HS6ST2: variants seen among roughly 807,000 people sequenced by gnomAD.
The protein encoded by HS6ST2 is heparan sulfate 6-O-sulfotransferase 2, also known as heparan-sulfate 6-O-sulfotransferase 2.
In HS6ST2, 17 loss-of-function variants were observed where a neutral mutation model predicts 33.0. That is an observed-to-expected ratio of 0.52 (90% CI 0.35 to 0.77). The LOEUF (loss-of-function observed/expected upper bound fraction) is 0.77, where lower values mean the gene tolerates loss of function less well. Ranked by LOEUF, HS6ST2 falls within the 30% of genes least tolerant of loss-of-function variation. HS6ST2 has a pLI of 0.01. For synonymous variants in HS6ST2, 248 were observed against 237.1 expected (o/e 1.05, Z -0.42); for missense variants, 519 against 551.7 (o/e 0.94, Z 0.59).
At chrX:132,894,511 T>TTATGTTATGTTATG (rs2066354155) in intron 2 of HS6ST2, among the ~76,000 whole-genome samples, 2 of 108,471 alleles carry the variant, frequency 1.8e-5, no homozygotes, top group African/African-American at 6.8e-5. Flanking sequence ...TTATGTTATG[T>TTATGTTATGTTATG]TATGTTATGT....
At chrX:132,667,948 G>C (rs1156567020) in intron 4 of HS6ST2, among the ~76,000 whole-genome samples, 4 of 112,193 alleles carry the variant, frequency 3.6e-5, no homozygotes, top group Non-Finnish European at 7.5e-5. Context: ...ACTGAAATGA[G>C]TTCTAACTGC....
chrX:132,892,715 A>G (rs1458980398), intron 2 of HS6ST2, among the ~76,000 whole-genome samples: 1 of 111,817 alleles, frequency 8.9e-6, no homozygotes. Context: ...GCTACCCCGG[A>G]AGCTGAGGCA....
At chrX:132,847,679 G>A (rs1183971607) in intron 2 of HS6ST2, among the ~76,000 whole-genome samples, 2 of 111,056 alleles carry the variant, frequency 1.8e-5, no homozygotes, top group African/African-American at 6.6e-5. Context: ...TTCTATCAGA[G>A]GGACCAAAAG....
chrX:132,689,835 C>A (rs970854783), intron 3 of HS6ST2, among the ~76,000 whole-genome samples: 1 of 111,364 alleles, frequency 9.0e-6, no homozygotes, highest in African/African-American at 3.3e-5. Flanking sequence ...GCTTTGAATG[C>A]AGCCCAACAC....
intron 2 of HS6ST2, among the ~76,000 whole-genome samples, chrX:132,888,147 A>AT (rs969591663): frequency 9.0e-6 from 1 of 111,578 alleles, no homozygotes; most frequent in Admixed American, 9.6e-5. Context: ...CAGTTGGTAG[A>AT]TTTTTTTTAA....
intron 2 of HS6ST2, among the ~76,000 whole-genome samples, chrX:132,882,865 C>T (rs1446454736): frequency 9.0e-6 from 1 of 111,566 alleles, no homozygotes; most frequent in African/African-American, 3.3e-5. Context: ...AAGGCCTTTT[C>T]TGCATCTACT....
At chrX:132,803,995 G>A (rs1039431577) in intron 2 of HS6ST2, among the ~76,000 whole-genome samples, 6 of 111,480 alleles carry the variant, frequency 5.4e-5, no homozygotes, top group Non-Finnish European at 9.4e-5. Flanking sequence ...GCTCTCACTG[G>A]CCATGGCAGG....
chrX:132,880,960 C>A (rs2066165153), intron 2 of HS6ST2, among the ~76,000 whole-genome samples: 1 of 110,182 alleles, frequency 9.1e-6, no homozygotes, highest in Admixed American at 9.7e-5. Flanking sequence ...ATGCACTCAT[C>A]ATTTTTTATG....
chrX:132,957,456 A>ACGG (rs1211618459), intron 1 of HS6ST2, 130 bp from the exon 2 acceptor site: 177 of 740,189 alleles, frequency 2.4e-4, no homozygotes, highest in Admixed American at 1.3e-4. Context: ...CGAGTACTCC[A>ACGG]CGGCGGCGGC....
At chrX:132,717,825 A>G (rs1209283177) in intron 2 of HS6ST2, among the ~76,000 whole-genome samples, 1 of 111,926 alleles carries the variant, frequency 8.9e-6, no homozygotes, top group Admixed American at 9.5e-5. Flanking sequence ...GGCTGCAGAC[A>G]ACTGTCTACA....
Position 132,939,099 on chromosome X carries a change from T to A in HS6ST2, c.947+17709A>T, listed in dbSNP as rs1274870003. 2.7e-5 allele frequency among the ~76,000 whole-genome samples: 3 copies of A among 110,936 alleles called. No individual in the cohort carries two copies. In the East Asian group the frequency reaches 8.5e-4, roughly 32 times the overall value. On this transcript the variant is annotated intron_variant, in intron 2 of 4. Coordinates refer to ENST00000370833, the MANE Select transcript of HS6ST2 (RefSeq NM_001394073.1). ...TTAAGCAAACAGATGTCATGTGACC[T>A]CATTATCACAGGGAGGGCACTGAGC...
intron 2 of HS6ST2, among the ~76,000 whole-genome samples, chrX:132,802,262 A>T (rs2065242104): frequency 8.9e-6 from 1 of 111,939 alleles, no homozygotes; most frequent in Non-Finnish European, 1.9e-5. Context: ...AAAAGTGGTG[A>T]CACTCACTTA....
intron 2 of HS6ST2, among the ~76,000 whole-genome samples, chrX:132,896,323 T>C (rs779271844): frequency 9.1e-6 from 1 of 110,080 alleles, no homozygotes; most frequent in East Asian, 2.9e-4. Flanking sequence ...ACAAAAAAAT[T>C]ACCCAGGCGT....
intron 2 of HS6ST2, among the ~76,000 whole-genome samples, chrX:132,913,174 C>A (rs1395297474): frequency 1.8e-5 from 2 of 111,145 alleles, no homozygotes; most frequent in Admixed American, 1.9e-4. Context: ...CCTCATTCTT[C>A]TTGGATGTGG....
At position 132,708,467 on chromosome X, in the gene HS6ST2, T is replaced by G; in HGVS notation, c.975A>C (p.Ala325=). 8.5e-7 allele frequency: 1 copy of G among 1,180,230 alleles called. No individual in the cohort carries two copies. The highest frequency in any genetic ancestry group is 1.1e-6 in the Non-Finnish European group (1 of 878,009). Residue 325 remains alanine, a synonymous_variant, in exon 3 of 5, where the codon GCA becomes GCC. Coordinates refer to ENST00000370833, the MANE Select transcript of HS6ST2 (RefSeq NM_001394073.1). ...SRWRIFQILD[A]ASKDKRGSPN... is the part of the protein sequence containing the mutation. ...AAAAATACATTGTTACTTACCTTGC[T>G]GCATCTAGAATCTGAAAAATCCTCC...
intron 2 of HS6ST2, among the ~76,000 whole-genome samples, chrX:132,747,026 G>T (rs1324676486): frequency 2.7e-5 from 3 of 112,267 alleles, no homozygotes; most frequent in Non-Finnish European, 5.6e-5. Flanking sequence ...TCTACTTTGG[G>T]CTGGACCCCG....
At chrX:132,924,638 T>C (rs1729248510) in intron 2 of HS6ST2, among the ~76,000 whole-genome samples, 1 of 110,746 alleles carries the variant, frequency 9.0e-6, no homozygotes, top group South Asian at 3.9e-4. Flanking sequence ...GATTAGAGGG[T>C]TGAAACTTTC....
At chrX:132,682,391 C>T (rs773438276) in intron 3 of HS6ST2, among the ~76,000 whole-genome samples, 3 of 111,876 alleles carry the variant, frequency 2.7e-5, no homozygotes, top group Non-Finnish European at 5.6e-5. Context: ...AAGGAGAAGG[C>T]CCTGCAAGTA....
intron 2 of HS6ST2, among the ~76,000 whole-genome samples, chrX:132,878,444 G>A (rs763825770): frequency 2.7e-5 from 3 of 112,312 alleles, no homozygotes; most frequent in South Asian, 7.4e-4. Context: ...GAGATTCTCC[G>A]GGGACCTTTC....
Sources: allele counts gnomAD v4.1 joint callset (sites outside exome capture counted in the v4.1 genomes callset), GRCh38; gene constraint gnomAD v4.1.1; transcripts MANE v1.5; gene names NCBI Gene and HGNC (gene_info 2026-07-23, HGNC 2026-07-21).